KHDRBS3: variants seen among roughly 807,000 people sequenced by gnomAD.
KHDRBS3 encodes KH RNA binding domain containing, signal transduction associated 3.
KHDRBS3 carries 23 observed loss-of-function variants against 45.6 expected under a neutral mutation model. The observed-to-expected ratio is 0.50, with a 90% CI of 0.36 to 0.72. KHDRBS3 has a LOEUF of 0.72. KHDRBS3 is among the 30% of genes least tolerant of loss of function. The probability of loss-of-function intolerance (pLI) is 0.00; values close to 1 mark genes in which losing one functional copy is unlikely to be tolerated. For missense variants in KHDRBS3, 352 were observed against 424.8 expected (o/e 0.83, Z 1.51); for synonymous variants, 162 against 156.5 (o/e 1.04, Z -0.26).
At position 135,537,553 on chromosome 8, in the gene KHDRBS3, T is replaced by G. The variant is rs374259512; in HGVS notation, c.208-5101T>G. ...ACTTACTATATGTTGTTATACCATC[T>G]TCATAATCACTTGAAAACCAACTCA... On this transcript the variant is annotated intron_variant, in intron 2 of 8. Coordinates refer to ENST00000355849, the MANE Select transcript of KHDRBS3 (RefSeq NM_006558.3). 2.6e-5 allele frequency among the ~76,000 whole-genome samples: 4 copies of G among 152,226 alleles called. No individual in the cohort carries two copies. In the East Asian group the frequency reaches 7.7e-4, roughly 29 times the overall value.
chr8:135,568,024 C>A (rs1827513854), intron 5 of KHDRBS3, among the ~76,000 whole-genome samples: 1 of 152,190 alleles, frequency 6.6e-6, no homozygotes. Flanking sequence ...GCCAATATTA[C>A]AAGTTTCCCC....
intron 2 of KHDRBS3, among the ~76,000 whole-genome samples, chr8:135,536,688 C>T (rs1469600712): frequency 5.3e-5 from 8 of 151,892 alleles, no homozygotes; most frequent in Admixed American, 3.3e-4. Context: ...TGGCCGGGCG[C>T]GGTGGCTCAC....
intron 7 of KHDRBS3, among the ~76,000 whole-genome samples, chr8:135,611,311 C>T (rs1829696260): frequency 6.6e-6 from 1 of 151,920 alleles, no homozygotes; most frequent in African/African-American, 2.4e-5. Context: ...AATTAGATAA[C>T]TTGCTTCAGA....
At chr8:135,479,397 A>G (rs894056010) in intron 1 of KHDRBS3, among the ~76,000 whole-genome samples, 1 of 152,198 alleles carries the variant, frequency 6.6e-6, no homozygotes, top group African/African-American at 2.4e-5. Flanking sequence ...ATTCTTCACA[A>G]ACTCTTTCAA....
Position 135,557,510 on chromosome 8 carries a change from A to C in KHDRBS3, c.534A>C (p.Ser178=), listed in dbSNP as rs763102026. The C allele has an allele frequency of 1.2e-6, 2 of 1,609,504 alleles. No homozygotes were observed. Among genetic ancestry groups the C allele is most frequent in the Non-Finnish European group, 1.7e-6 (2 of 1,175,744 alleles). Residue 178 remains serine (S), a synonymous_variant, in exon 5 of 9, where the codon TCA becomes TCC. Coordinates refer to ENST00000355849, the MANE Select transcript of KHDRBS3 (RefSeq NM_006558.3). ...LQELTYLNGG[S]ENADVPVVRG... is the part of the protein sequence containing the mutation. ...AGTTAACATATTTGAATGGTGGTTC[A>C]GAAAATGCAGATGTTCCAGTGGTTC...
chr8:135,552,376 C>T (rs1483719493), intron 4 of KHDRBS3, among the ~76,000 whole-genome samples: 2 of 152,106 alleles, frequency 1.3e-5, no homozygotes, highest in East Asian at 3.9e-4. Flanking sequence ...ACTACTTCTG[C>T]CAGCTCATAG....
At chr8:135,539,889 A>C (rs1825960547) in intron 2 of KHDRBS3, 1 of 152,234 alleles carries the variant, frequency 6.6e-6, no homozygotes, top group African/African-American at 2.4e-5. Context: ...AAGGTATATA[A>C]AAGTCAATAA....
rs867683418 is a variant in KHDRBS3 at position 135,566,956 on chromosome 8, C to T, written c.611+9369C>T. Among the ~76,000 whole-genome samples the T allele has an allele frequency of 3.9e-5, 6 of 152,278 alleles. 1 individual carries two copies. In the Middle Eastern group the frequency reaches 0.01, roughly 259 times the overall value. ...ATAAACAGTTAATAGAAGAAACAGT[C>T]ACATTTACTTCTGCTAAATAAAACA... On this transcript the variant is annotated intron_variant, in intron 5 of 8. Transcript: ENST00000355849.
At chr8:135,502,463 C>T (rs1024022977) in intron 1 of KHDRBS3, among the ~76,000 whole-genome samples, 2 of 152,120 alleles carry the variant, frequency 1.3e-5, no homozygotes, top group African/African-American at 4.8e-5. Context: ...TGAAGTTTCC[C>T]TTGATTTTTT....
Position 135,457,804 on chromosome 8 carries a change from G to T in KHDRBS3, c.-63G>T, listed in dbSNP as rs941965830. ...CGCTGGGGGCGCGGGCGGGGTCGGG[G>T]GTTGCCGGGCGCCGCCCCCCGTGCG... On this transcript the variant is annotated 5_prime_UTR_variant, in exon 1 of 9. Coordinates refer to ENST00000355849, the MANE Select transcript of KHDRBS3 (RefSeq NM_006558.3). This position sits in a 1 kb window ranked among gnomAD's most constrained non-coding sequence, Gnocchi z 4.4. The T allele has an allele frequency of 8.8e-7, 1 of 1,140,126 alleles. No homozygotes were observed. The highest frequency in any genetic ancestry group is 2.8e-5 in the Admixed American group (1 of 35,554). 70.6% of individuals were successfully genotyped at this position (1,140,126 alleles called of 1,614,324 possible).
intron 1 of KHDRBS3, among the ~76,000 whole-genome samples, chr8:135,470,290 T>C (rs1403705261): frequency 6.6e-6 from 1 of 151,252 alleles, no homozygotes; most frequent in Non-Finnish European, 1.5e-5. Flanking sequence ...AAGATTTTGA[T>C]TTAACAAGTT....
chr8:135,496,777 C>G (rs1268905360), intron 1 of KHDRBS3, among the ~76,000 whole-genome samples: 1 of 152,234 alleles, frequency 6.6e-6, no homozygotes, highest in Non-Finnish European at 1.5e-5. Flanking sequence ...TGGCTCATCC[C>G]ATGGCTGCTG....
intron 1 of KHDRBS3, among the ~76,000 whole-genome samples, chr8:135,515,137 C>A (rs1185818143): frequency 6.6e-6 from 1 of 151,736 alleles, no homozygotes; most frequent in Non-Finnish European, 1.5e-5. Flanking sequence ...GAGGCCGAGG[C>A]GGGCGGATCA....
chr8:135,522,526 C>T (rs1433202472), intron 2 of KHDRBS3, among the ~76,000 whole-genome samples: 1 of 152,108 alleles, frequency 6.6e-6, no homozygotes, highest in Non-Finnish European at 1.5e-5. Context: ...TTTCCACAAA[C>T]AATGTGTGCA....
At chr8:135,621,004 G>GC (rs1161629229) in intron 7 of KHDRBS3, among the ~76,000 whole-genome samples, 2 of 152,094 alleles carry the variant, frequency 1.3e-5, no homozygotes, top group Admixed American at 6.5e-5. Context: ...GTGTAAGTTT[G>GC]CATCTGTTTT....
intron 1 of KHDRBS3, among the ~76,000 whole-genome samples, chr8:135,485,423 A>G (rs778019085): frequency 5.1e-4 from 78 of 152,166 alleles, no homozygotes; most frequent in Non-Finnish European, 1.0e-3. Flanking sequence ...CATTTCAGCC[A>G]GAAGAGCCAA....
At chr8:135,571,790 C>T (rs756204031) in intron 5 of KHDRBS3, among the ~76,000 whole-genome samples, 3 of 152,198 alleles carry the variant, frequency 2.0e-5, no homozygotes, top group Admixed American at 6.5e-5. Context: ...AGAGTCACCC[C>T]TAACTCTTAC....
At chr8:135,638,821 CG>C (rs1462265666) in intron 7 of KHDRBS3, among the ~76,000 whole-genome samples, 5 of 151,584 alleles carry the variant, frequency 3.3e-5, no homozygotes, top group Admixed American at 3.3e-4. Context: ...GGTGGTGGCA[CG>C]CGCCTATAGT....
Position 135,476,638 on chromosome 8 carries a change from T to C in KHDRBS3, c.88+18684T>C, listed in dbSNP as rs16905373. On this transcript the variant is annotated intron_variant, in intron 1 of 8. Transcript: ENST00000355849. ...AGCACCTTTTAGGTAATAACACTGTTACCATTGAGTAGATGGGGAAACCGA... is the reference window on the plus strand; with the variant it reads ...AGCACCTTTTAGGTAATAACACTGTCACCATTGAGTAGATGGGGAAACCGA... 9.2e-3 allele frequency among the ~76,000 whole-genome samples: 1,405 copies of C among 152,324 alleles called. 19 individuals carry two copies. Among genetic ancestry groups the C allele is most frequent in the African/African-American group, 0.03 (1,232 of 41,558 alleles).
Sources: allele counts gnomAD v4.1 joint callset (sites outside exome capture counted in the v4.1 genomes callset), GRCh38; gene constraint gnomAD v4.1.1; non-coding constraint Gnocchi (gnomAD v3.1); transcripts MANE v1.5; gene names NCBI Gene and HGNC (gene_info 2026-07-23, HGNC 2026-07-21).